ARMC6: variants seen among roughly 807,000 people sequenced by gnomAD.
ARMC6 encodes armadillo repeat containing 6.
A neutral mutation model predicts 49.2 loss-of-function variants in ARMC6; 43 were observed. That is an observed-to-expected ratio of 0.87 (90% CI 0.69 to 1.13). ARMC6 has a LOEUF of 1.13. Among genes scored for constraint, ARMC6 ranks in the 50% most tolerant of loss-of-function variants. The pLI is 0.00. For missense variants in ARMC6, 627 were observed against 682.0 expected (o/e 0.92, Z 0.90); for synonymous variants, 262 against 289.6 (o/e 0.90, Z 0.97).
chr19:19,054,472 CG>C (rs935388287), intron 6 of ARMC6, 151 bp downstream of exon 6: 23 of 797,334 alleles, frequency 2.9e-5, no homozygotes, highest in Non-Finnish European at 3.4e-5. Context: ...AACCAAAGGT[CG>C]GGGGGGAAAC....
intron 8 of ARMC6, among the ~76,000 whole-genome samples, 194 bp from the exon 9 acceptor site, chr19:19,057,222 G>A (rs2059551962): frequency 6.6e-6 from 1 of 152,262 alleles, no homozygotes; most frequent in Non-Finnish European, 1.5e-5. Context: ...CCTTGCCTGG[G>A]AGTTAGCCAT....
chr19:19,035,583 C>T (rs1313239760), intron 2 of ARMC6, among the ~76,000 whole-genome samples: 1 of 152,096 alleles, frequency 6.6e-6, no homozygotes, highest in Non-Finnish European at 1.5e-5. Flanking sequence ...CAGGGGTGGT[C>T]ACAGAGCCAG....
Position 19,042,800 on chromosome 19 carries a change from T to C in ARMC6, c.119T>C (p.Val40Ala), listed in dbSNP as rs1210987972. The C allele has an allele frequency of 1.2e-6, 2 of 1,613,898 alleles. No individual in the cohort carries two copies. The highest frequency in any genetic ancestry group is 1.3e-5 in the African/African-American group (1 of 74,928). ...RIAQETFDAAVRENIEEFAMG... is the reference protein window; with the variant it reads ...RIAQETFDAAARENIEEFAMG... ...GCCCAGGAGACCTTTGATGCAGCTG[T>C]GCGCGAGAACATCGAGGAGTTTGCG... The change falls in exon 3 of 9, where the codon GTG (valine) becomes GCG (alanine). Residue 40 changes from valine to alanine, a missense_variant. Transcript: ENST00000535612.
intron 2 of ARMC6, among the ~76,000 whole-genome samples, chr19:19,038,353 A>T (rs189014938): frequency 6.6e-6 from 1 of 152,216 alleles, no homozygotes; most frequent in Non-Finnish European, 1.5e-5. Context: ...GTCTTCCACG[A>T]AACTGGTCCC....
chr19:19,044,244 G>C (rs2059432021), intron 4 of ARMC6, among the ~76,000 whole-genome samples, 170 bp downstream of exon 4: 1 of 152,234 alleles, frequency 6.6e-6, no homozygotes, highest in South Asian at 2.1e-4. Context: ...TCCGAGGGCG[G>C]CATGCCTTCC....
chr19:19,054,199 T>C lies in ARMC6; in HGVS notation c.901T>C (p.Ser301Pro), dbSNP rs2059523617. 2.5e-6 allele frequency: 4 copies of C among 1,611,172 alleles called. No homozygotes were observed. Among genetic ancestry groups the C allele is most frequent in the Non-Finnish European group, 3.4e-6 (4 of 1,178,714 alleles). ...CCTGAGCGAGCTCTGTGGAACCCTGTCCCGCCTGGCCATTCGCAACGAGTT... is the reference window on the plus strand; with the variant it reads ...CCTGAGCGAGCTCTGTGGAACCCTGCCCCGCCTGGCCATTCGCAACGAGTT... Reference protein sequence around the residue: ...GILSELCGTLSRLAIRNEFCQ... With the variant: ...GILSELCGTLPRLAIRNEFCQ... Residue 301 changes from serine to proline, a missense_variant, in exon 6 of 9, where the codon TCC (serine) becomes CCC (proline). Physicochemically the swap from Ser to Pro is moderately conservative, Grantham distance 74 (BLOSUM62 -1). Transcript: ENST00000535612.
chr19:19,046,364 T>G (rs1737406597), intron 4 of ARMC6, among the ~76,000 whole-genome samples: 2 of 151,724 alleles, frequency 1.3e-5, no homozygotes, highest in South Asian at 4.2e-4. Flanking sequence ...GCCCGGCTAA[T>G]TTTTTGTATT....
At position 19,054,142 on chromosome 19, in the gene ARMC6, C is replaced by A. The variant is rs199790725; in HGVS notation, c.854-10C>A. Reference sequence around the variant, plus strand: ...CCCGCCCCCACCACCGTCTCCCTTTCTCCCTGCAGCGTTCCTGGATAACCC... The same window carrying A: ...CCCGCCCCCACCACCGTCTCCCTTTATCCCTGCAGCGTTCCTGGATAACCC... On this transcript the variant is annotated splice_polypyrimidine_tract_variant and intron_variant, in intron 5 of 8. Coordinates refer to ENST00000535612, the MANE Select transcript of ARMC6 (RefSeq NM_001199196.2). 707 of 1,542,976 alleles carry A rather than the reference C, an allele frequency of 4.6e-4. 6 individuals are homozygous for A. The South Asian group carries it at 8.4e-3, about 18-fold the overall frequency.
chr19:19,051,557 CTG>C (rs765002565), intron 4 of ARMC6, 63 bp from the exon 5 acceptor site: 16 of 1,438,338 alleles, frequency 1.1e-5, no homozygotes, highest in Non-Finnish European at 1.4e-5. Flanking sequence ...GGTCCAGACA[CTG>C]TTGCTGTGGC....
chr19:19,045,825 G>C (rs1183145140), intron 4 of ARMC6, among the ~76,000 whole-genome samples: 1 of 151,898 alleles, frequency 6.6e-6, no homozygotes, highest in Non-Finnish European at 1.5e-5. Flanking sequence ...CTAATTTTTT[G>C]TATTTTTAGT....
rs777366126 is a variant in ARMC6, at chr19:19,051,707, A to T, written c.365A>T (p.Lys122Ile). 1 of 1,613,886 alleles carries T rather than the reference A, an allele frequency of 6.2e-7. No individual in the cohort carries two copies. The highest frequency in any genetic ancestry group is 8.5e-7 in the Non-Finnish European group (1 of 1,179,996). ...AYLTRFCDQC[K>I]QDKACRFLAA... The stretch of plus-strand genomic sequence containing the variant: ...CTCACCCGCTTCTGCGACCAGTGCA[A>T]ACAGGACAAGGCCTGCCGCTTCCTC... The change falls in exon 5 of 9, where the codon AAA (lysine) becomes ATA (isoleucine). Residue 122 changes from lysine (K) to isoleucine (I), a missense_variant. Lys to Ile is a moderately radical substitution (Grantham distance 102, BLOSUM62 -3). Coordinates refer to ENST00000535612, the MANE Select transcript of ARMC6 (RefSeq NM_001199196.2).
chr19:19,038,988 T>C (rs1389343769), intron 2 of ARMC6, among the ~76,000 whole-genome samples: 4 of 152,082 alleles, frequency 2.6e-5, no homozygotes, highest in Admixed American at 2.6e-4. Context: ...CTCCTGTGCT[T>C]GAGTGATCCC....
In ARMC6 at chr19:19,033,899, C is replaced by T. The variant is rs1026580194; in HGVS notation, c.-111C>T. On this transcript the variant is annotated 5_prime_UTR_variant, in exon 1 of 9. Transcript: ENST00000535612. ...GGCTCCCTGGGTGACAACCGCGCGC[C>T]CCACCTTTCCCCACGTGGCCGCGAA... is the stretch of plus-strand genomic sequence containing the variant. 2.0e-5 allele frequency: 8 copies of T among 395,002 alleles called. No homozygotes were observed. Among genetic ancestry groups the T allele is most frequent in the Admixed American group, 1.3e-4 (3 of 23,870 alleles). The allele number at this position is 395,002 out of a possible 1,614,324, so 24.5% of individuals were successfully genotyped here. A position where few individuals can be genotyped will look rare whatever the true frequency, so the allele number is the denominator to read the frequency against.
chr19:19,034,921 G>A (rs1422101874), intron 2 of ARMC6, among the ~76,000 whole-genome samples: 3 of 150,918 alleles, frequency 2.0e-5, no homozygotes, highest in Admixed American at 6.6e-5. Flanking sequence ...GAGTGCAGTG[G>A]CGCAATCTCA....
At position 19,057,516 on chromosome 19, in the gene ARMC6, G is replaced by A. The variant is rs141708528; in HGVS notation, c.1394G>A (p.Arg465Gln). 173 of 1,613,840 alleles carry A rather than the reference G, an allele frequency of 1.1e-4. No homozygotes were observed. The highest frequency in any genetic ancestry group is 1.4e-4 in the Non-Finnish European group (166 of 1,180,020). The change falls in exon 9 of 9, where the codon CGA becomes CAA. Residue 465 changes from arginine (R) to glutamine (Q), a missense_variant. Transcript: ENST00000535612. ...GCTGAGGCACTCATCATGCAGGCCCGATCTGCCCACCGTGACTGTGAGGAC... is the reference window on the plus strand; with the variant it reads ...GCTGAGGCACTCATCATGCAGGCCCAATCTGCCCACCGTGACTGTGAGGAC... ...LGAEALIMQARSAHRDCEDVA... is the reference protein window; with the variant it reads ...LGAEALIMQAQSAHRDCEDVA...
intron 6 of ARMC6, among the ~76,000 whole-genome samples, chr19:19,054,633 C>G (rs2059528211): frequency 6.6e-6 from 1 of 152,124 alleles, no homozygotes; most frequent in Non-Finnish European, 1.5e-5. Flanking sequence ...AGAGCAGTGT[C>G]CCTACTCATT....
At chr19:19,056,395 G>A (rs2059545320) in intron 8 of ARMC6, among the ~76,000 whole-genome samples, 1 of 151,814 alleles carries the variant, frequency 6.6e-6, no homozygotes, top group African/African-American at 2.4e-5. Flanking sequence ...CCGAGTAGCT[G>A]GGATCACAGG....
intron 2 of ARMC6, among the ~76,000 whole-genome samples, chr19:19,040,373 C>A (rs1568488699): frequency 6.6e-6 from 1 of 151,868 alleles, no homozygotes; most frequent in African/African-American, 2.4e-5. Context: ...TTTCCTCATC[C>A]TCTTTTTATA....
chr19:19,042,771 C>A lies in ARMC6; in HGVS notation c.90C>A (p.Arg30=), dbSNP rs1324072990. ...CACAGGCGAAGATGGTCTCCAAGCG[C>A]ATTGCCCAGGAGACCTTTGATGCAG... The part of the protein sequence containing the change: ...TSTQAKMVSK[R]IAQETFDAAV... The change falls in exon 3 of 9, where the codon CGC becomes CGA. Residue 30 remains arginine, a synonymous_variant. Transcript: ENST00000535612. The A allele has an allele frequency of 6.2e-7, 1 of 1,613,982 alleles. No individual in the cohort carries two copies. Among genetic ancestry groups the A allele is most frequent in the South Asian group, 1.1e-5 (1 of 91,086 alleles).
Sources: allele counts gnomAD v4.1 joint callset (sites outside exome capture counted in the v4.1 genomes callset), GRCh38; gene constraint gnomAD v4.1.1; transcripts MANE v1.5; gene names NCBI Gene and HGNC (gene_info 2026-07-23, HGNC 2026-07-21).